GNPTAB: variants seen among roughly 807,000 people sequenced by gnomAD.
GNPTAB encodes N-acetylglucosamine-1-phosphate transferase subunits alpha and beta.
In GNPTAB, 92 loss-of-function variants were observed where a neutral mutation model predicts 136.6. The observed-to-expected ratio is 0.67, with a 90% CI of 0.57 to 0.80. The LOEUF (loss-of-function observed/expected upper bound fraction) is 0.80. Ranked by LOEUF, GNPTAB falls within the 30% of genes least tolerant of loss-of-function variation. The probability of loss-of-function intolerance (pLI) is 0.00; values close to 1 mark genes in which losing one functional copy is unlikely to be tolerated. For synonymous variants in GNPTAB, 512 were observed against 535.1 expected (o/e 0.96, Z 0.60); for missense variants, 1,343 against 1,501.8 (o/e 0.89, Z 1.75).
intron 5 of GNPTAB, among the ~76,000 whole-genome samples, chr12:101,783,199 C>G (rs545775251): frequency 1.3e-5 from 2 of 152,054 alleles, no homozygotes; most frequent in East Asian, 3.9e-4. Context: ...GTACAGGGAA[C>G]AGTACCTGGC....
At position 101,771,078 on chromosome 12, in the gene GNPTAB, GT is replaced by G. The variant is rs34517004; in HGVS notation, c.850del (p.Thr284LeufsTer5). On this transcript the variant is annotated frameshift_variant, in exon 8 of 21. Transcript: ENST00000299314. LOFTEE classifies it high-confidence loss of function. The part of the protein sequence containing the change: ...PKDFQELNKQ[T>X]KKNMTIDGKE... ...TCCATCAATGGTCATGTTCTTCTTA[GT>G]TTGCTTATTCAATTCTTGAAAATCC... 1 of 1,613,642 alleles carries G rather than the reference GT, an allele frequency of 6.2e-7. No homozygotes were observed. The highest frequency in any genetic ancestry group is 8.5e-7 in the Non-Finnish European group (1 of 1,179,658).
chr12:101,755,593 G>A (rs1952890236), intron 18 of GNPTAB, among the ~76,000 whole-genome samples: 1 of 152,180 alleles, frequency 6.6e-6, no homozygotes, highest in Non-Finnish European at 1.5e-5. Flanking sequence ...GCCATCACAA[G>A]CAGAGCTAAG....
At chr12:101,813,418 G>A (rs1052088633) in intron 1 of GNPTAB, among the ~76,000 whole-genome samples, 4 of 152,270 alleles carry the variant, frequency 2.6e-5, no homozygotes, top group Admixed American at 2.6e-4. Flanking sequence ...AGTGGGTAGG[G>A]TGCTACATTT....
rs534200904 is a variant in GNPTAB, at chr12:101,788,874, G to A, written c.324-285C>T. Among the ~76,000 whole-genome samples the A allele has an allele frequency of 3.9e-5, 6 of 152,320 alleles. No homozygotes were observed. In the East Asian group the frequency reaches 9.6e-4, roughly 24 times the overall value. On this transcript the variant is annotated intron_variant, in intron 3 of 20. Coordinates refer to ENST00000299314, the MANE Select transcript of GNPTAB (RefSeq NM_024312.5). Reference sequence around the variant, plus strand: ...AAGAAATACTCCTAACGAATCAAAGGGGAATTACATCAGCCAGGTTCCTAC... The same window carrying A: ...AAGAAATACTCCTAACGAATCAAAGAGGAATTACATCAGCCAGGTTCCTAC...
chr12:101,761,662 A>G lies in GNPTAB; in HGVS notation c.2817T>C (p.Asn939=). Residue 939 remains asparagine (N), a synonymous_variant, in exon 14 of 21, where the codon AAT becomes AAC. Transcript: ENST00000299314. ...ATCCAAACTTGCTATTTAGAATTTT[A>G]TTTACATATCTGAGGGAATCTGCAA... ...DTFADSLRYV[N]KILNSKFGFT... is the part of the protein sequence containing the mutation. 1 of 1,614,058 alleles carries G rather than the reference A, an allele frequency of 6.2e-7. No individual in the cohort carries two copies. Among genetic ancestry groups the G allele is most frequent in the Non-Finnish European group, 8.5e-7 (1 of 1,179,918 alleles).
At chr12:101,763,441 G>C (rs1953032065) in intron 13 of GNPTAB, among the ~76,000 whole-genome samples, 1 of 151,936 alleles carries the variant, frequency 6.6e-6, no homozygotes, top group Non-Finnish European at 1.5e-5. Context: ...ATTCAGCCCA[G>C]ACTGTATGAT....
intron 2 of GNPTAB, 30 bp from the exon 3 acceptor site, chr12:101,790,087 A>T (rs1868897158): frequency 6.2e-7 from 1 of 1,613,932 alleles, no homozygotes; most frequent in Admixed American, 1.7e-5. Flanking sequence ...CCTCCAGCTT[A>T]AATGCATTTT....
rs779043575 is a variant in GNPTAB at position 101,780,291 on chromosome 12, A to G, written c.637-5T>C. The G allele has an allele frequency of 1.2e-6, 2 of 1,613,972 alleles. No homozygotes were observed. The highest frequency in any genetic ancestry group is 4.5e-5 in the East Asian group (2 of 44,856). On this transcript the variant is annotated splice_region_variant and splice_polypyrimidine_tract_variant and intron_variant, in intron 6 of 20. Transcript: ENST00000299314. ...AGGGACTTCTTTATCTGTTGTCTAA[A>G]ATAAGGGGAAAAACATAACTCATTT...
intron 2 of GNPTAB, among the ~76,000 whole-genome samples, chr12:101,791,400 G>A (rs1191933904): frequency 6.6e-6 from 1 of 151,454 alleles, no homozygotes; most frequent in African/African-American, 2.4e-5. Context: ...GGCCACAGTG[G>A]GAGAAGAATT....
intron 2 of GNPTAB, chr12:101,796,141 G>A (rs1334666835): frequency 7.3e-6 from 5 of 688,780 alleles, no homozygotes; most frequent in Non-Finnish European, 1.3e-5. Context: ...GTTTACTGGG[G>A]AGTGGTCCCA....
At position 101,747,218 on chromosome 12, in the gene GNPTAB, T is replaced by C; in HGVS notation, c.3717A>G (p.Ile1239Met). ...AEQLIALKRK[I>M]FPRRRIHKEA... ...CTTTGTGTATCCTCCTTCTGGGAAATATCTTCCGCTTAAGTGCAATTAACT... is the reference window on the plus strand; with the variant it reads ...CTTTGTGTATCCTCCTTCTGGGAAACATCTTCCGCTTAAGTGCAATTAACT... Residue 1239 changes from isoleucine (I) to methionine (M), a missense_variant, in exon 21 of 21, where the codon ATA becomes ATG. Transcript: ENST00000299314. 1.3e-6 allele frequency: 2 copies of C among 1,590,028 alleles called. No individual in the cohort carries two copies. The highest frequency in any genetic ancestry group is 1.7e-6 in the Non-Finnish European group (2 of 1,158,078).
intron 1 of GNPTAB, among the ~76,000 whole-genome samples, chr12:101,829,559 A>AT (rs1164498029): frequency 1.1e-4 from 16 of 152,316 alleles, no homozygotes; most frequent in African/African-American, 3.6e-4. Context: ...GGGACTTAAT[A>AT]AACAGTTAAC....
chr12:101,830,531 C>T, intron 1 of GNPTAB, 28 bp downstream of exon 1: 1 of 1,373,766 alleles, frequency 7.3e-7, no homozygotes, highest in Non-Finnish European at 1.0e-6. Context: ...TCGAGGCGCC[C>T]GGTCCAGGCT....
intron 2 of GNPTAB, among the ~76,000 whole-genome samples, chr12:101,791,042 G>A (rs1257944664): frequency 6.6e-6 from 1 of 152,146 alleles, no homozygotes; most frequent in Non-Finnish European, 1.5e-5. Flanking sequence ...TGAGAAGAGT[G>A]CCTGGCACAC....
At position 101,793,471 on chromosome 12, in the gene GNPTAB, T is replaced by C. The variant is rs180749793; in HGVS notation, c.203+3206A>G. The stretch of plus-strand genomic sequence containing the variant: ...GCTGATTAAAACATAATATACTGCA[T>C]GTATTACATGATCAATTTAACTTTG... On this transcript the variant is annotated intron_variant, in intron 2 of 20. Coordinates refer to ENST00000299314, the MANE Select transcript of GNPTAB (RefSeq NM_024312.5). Among the ~76,000 whole-genome samples the C allele has an allele frequency of 3.2e-3, 493 of 152,314 alleles. 1 individual carries two copies. The highest frequency in any genetic ancestry group is 5.5e-3 in the Non-Finnish European group (371 of 68,028).
Position 101,764,583 on chromosome 12 carries a change from G to T in GNPTAB, c.2334C>A (p.Ser778Arg), listed in dbSNP as rs371253750. ...KQVHKSILPN[S>R]LGVSERLQRL... ...TCTGCAATCTTTCAGACACTCCTAA[G>T]CTGTTTGGCAAGATGCTTTTATGAA... The change falls in exon 13 of 21, where the codon AGC (serine) becomes AGA (arginine). Residue 778 changes from serine to arginine, a missense_variant. By Grantham distance (110) the Ser-to-Arg change is moderately radical (BLOSUM62 -1). Coordinates refer to ENST00000299314, the MANE Select transcript of GNPTAB (RefSeq NM_024312.5). The T allele has an allele frequency of 7.4e-6, 12 of 1,614,036 alleles. No homozygotes were observed. Among genetic ancestry groups the T allele is most frequent in the Non-Finnish European group, 1.0e-5 (12 of 1,179,974 alleles).
intron 3 of GNPTAB, among the ~76,000 whole-genome samples, chr12:101,789,371 G>A (rs1040782826): frequency 8.5e-5 from 13 of 152,224 alleles, no homozygotes; most frequent in African/African-American, 1.7e-4. Flanking sequence ...CCAAGATCTC[G>A]TAATGGCATG....
At chr12:101,822,416 AAAAG>A (rs924505593) in intron 1 of GNPTAB, among the ~76,000 whole-genome samples, 13 of 152,340 alleles carry the variant, frequency 8.5e-5, no homozygotes, top group East Asian at 3.9e-4. Flanking sequence ...CGTCTCAAAA[AAAAG>A]AAAGAAAGAA....
intron 7 of GNPTAB, 113 bp downstream of exon 7, chr12:101,780,039 T>C: frequency 9.4e-7 from 1 of 1,058,404 alleles, no homozygotes. Flanking sequence ...AATCCCTCTT[T>C]GCTTCTTATG....
Sources: gnomAD v4.1 joint callset for allele counts (sites outside exome capture counted in the v4.1 genomes callset) on GRCh38, gnomAD v4.1.1 for gene constraint, MANE v1.5 for transcripts, NCBI Gene and HGNC (gene_info 2026-07-23, HGNC 2026-07-21) for gene names.